The following FAM20C variants were observed in gnomAD, a reference collection of about 807,000 sequenced individuals.
FAM20C encodes extracellular serine/threonine protein kinase FAM20C.
In FAM20C, 40 loss-of-function variants were observed where a neutral mutation model predicts 51.5. The observed-to-expected ratio is 0.78, with a 90% CI of 0.60 to 1.01. The LOEUF is 1.01. Ranked by LOEUF, FAM20C falls within the 50% of genes least tolerant of loss-of-function variation. The pLI is 0.00. For synonymous variants in FAM20C, 406 were observed against 380.6 expected (o/e 1.07, Z -0.78); for missense variants, 861 against 844.7 (o/e 1.02, Z -0.24).
In FAM20C at chr7:248,105, C is replaced by T. The variant is rs191875159; in HGVS notation, c.957-210C>T. On this transcript the variant is annotated intron_variant, in intron 4 of 9. Coordinates refer to ENST00000313766, the MANE Select transcript of FAM20C (RefSeq NM_020223.4). ...TCAGTGAGGCATCGCCAGCCCCAGT[C>T]CCTCAGGGGCCTCTCCCACCCCCAT... is the stretch of plus-strand genomic sequence containing the variant. Among the ~76,000 whole-genome samples the T allele has an allele frequency of 2.9e-3, 449 of 152,328 alleles. 4 individuals are homozygous for T. Among genetic ancestry groups the T allele is most frequent in the Middle Eastern group, 0.024 (7 of 294 alleles).
At position 240,325 on chromosome 7, in the gene FAM20C, TGGA is replaced by T. The variant is rs1787897432; in HGVS notation, c.864-6087_864-6085del. On this transcript the variant is annotated intron_variant, in intron 3 of 9. Coordinates refer to ENST00000313766, the MANE Select transcript of FAM20C (RefSeq NM_020223.4). ...ATAGTGATAGTGATGATGATGGTGG[TGGA>T]GGTGATGATTATGATGTTGATAAAG... 0.024 allele frequency among the ~76,000 whole-genome samples: 17 copies of T among 708 alleles called. No individual in the cohort carries two copies. The South Asian group carries it at 0.36, about 15-fold the overall frequency. 0.5% of individuals were successfully genotyped at this position (708 alleles called of 152,430 possible).
rs923417798 is a variant in FAM20C, at chr7:256,023, A to C, written c.1247A>C (p.Lys416Thr). ...PWRRSYHKRK[K>T]AEWEVDPDYC... is the part of the protein sequence containing the mutation. ...CGGCGTTCCTACCACAAGCGCAAGAAGGCCGAGTGAGTGCGGGGCCGGGGG... is the reference window on the plus strand; with the variant it reads ...CGGCGTTCCTACCACAAGCGCAAGACGGCCGAGTGAGTGCGGGGCCGGGGG... Residue 416 changes from lysine (K) to threonine (T), a missense_variant, in exon 6 of 10, where the codon AAG becomes ACG. Transcript: ENST00000313766. 5.9e-6 allele frequency: 9 copies of C among 1,535,460 alleles called. No homozygotes were observed. The Admixed American group carries it at 7.9e-5, about 13-fold the overall frequency.
At chr7:219,479 C>G (rs1787154379) in intron 3 of FAM20C, among the ~76,000 whole-genome samples, 1 of 151,638 alleles carries the variant, frequency 6.6e-6, no homozygotes, top group South Asian at 2.1e-4. Context: ...TCGGCGGGGT[C>G]TGAGGGAGGC....
intron 8 of FAM20C, among the ~76,000 whole-genome samples, 181 bp from the exon 9 acceptor site, chr7:258,465 C>A (rs1337416163): frequency 4.8e-5 from 6 of 124,842 alleles, no homozygotes; most frequent in Admixed American, 7.6e-5. Context: ...GGACCCACTG[C>A]CTGGGGTGCT....
chr7:257,086 G>A lies in FAM20C; in HGVS notation c.1445G>A (p.Gly482Glu), dbSNP rs1461947497. 1 of 1,536,944 alleles carries A rather than the reference G, an allele frequency of 6.5e-7. No individual in the cohort carries two copies. Among genetic ancestry groups the A allele is most frequent in the Non-Finnish European group, 8.7e-7 (1 of 1,146,860 alleles). ...ATCATCCACTTAGACAATGGAAGAGGGTGAGCCTGTCCTCGCCCCTGCACA... is the reference window on the plus strand; with the variant it reads ...ATCATCCACTTAGACAATGGAAGAGAGTGAGCCTGTCCTCGCCCCTGCACA... ...TFIIHLDNGR[G>E]FGKYSHDELS... Residue 482 changes from glycine (G) to glutamate (E), a missense_variant and splice_region_variant, in exon 8 of 10, where the codon GGG (glycine) becomes GAG (glutamate). Gly to Glu is a moderately conservative substitution (Grantham distance 98). This residue lies in a region of FAM20C where 269 missense variants were observed against 283.8 expected (regional missense o/e 0.95). Coordinates refer to ENST00000313766, the MANE Select transcript of FAM20C (RefSeq NM_020223.4).
At chr7:257,741 T>A (rs1449119257) in intron 8 of FAM20C, among the ~76,000 whole-genome samples, 1 of 140,118 alleles carries the variant, frequency 7.1e-6, no homozygotes, top group Non-Finnish European at 1.5e-5. Flanking sequence ...GTGGACCCAC[T>A]GCCTGGGGTG....
chr7:200,964 G>C (rs1786101078), intron 2 of FAM20C, among the ~76,000 whole-genome samples: 2 of 152,174 alleles, frequency 1.3e-5, no homozygotes, highest in Admixed American at 1.3e-4. Flanking sequence ...TCAAAACCAG[G>C]TCCCTCGGTG....
At position 193,438 on chromosome 7, in the gene FAM20C, C is replaced by G; in HGVS notation, c.239C>G (p.Ala80Gly). ...PPAASSAAGD[A>G]GWPNKHTLRI... ...GCCGCCTCCTCCGCCGCCGGCGACGCGGGCTGGCCCAACAAGCACACGCTC... is the reference window on the plus strand; with the variant it reads ...GCCGCCTCCTCCGCCGCCGGCGACGGGGGCTGGCCCAACAAGCACACGCTC... The change falls in exon 1 of 10, where the codon GCG becomes GGG. Residue 80 changes from alanine (A) to glycine (G), a missense_variant. By Grantham distance (60) the Ala-to-Gly change is moderately conservative (BLOSUM62 0). Around this residue, in one of 3 missense-constraint regions of FAM20C, gnomAD observed 561 missense variants for 499.8 expected, o/e 1.12. Transcript: ENST00000313766. The G allele has an allele frequency of 7.0e-7, 1 of 1,425,550 alleles. No homozygotes were observed. Among genetic ancestry groups the G allele is most frequent in the South Asian group, 1.4e-5 (1 of 69,786 alleles). The allele number at this position is 1,425,550 out of a possible 1,614,324, so 88.3% of individuals were successfully genotyped here. A position where few individuals can be genotyped will look rare whatever the true frequency, so the allele number is the denominator to read the frequency against.
intron 5 of FAM20C, among the ~76,000 whole-genome samples, chr7:253,098 A>G (rs1055208571): frequency 7.2e-5 from 11 of 152,172 alleles, no homozygotes; most frequent in African/African-American, 2.7e-4. Context: ...GGCGGTCCTC[A>G]GGACTCTCTC....
chr7:195,492 C>A, intron 1 of FAM20C, 62 bp from the exon 2 acceptor site: 2 of 1,363,232 alleles, frequency 1.5e-6, no homozygotes, highest in Non-Finnish European at 1.9e-6. Context: ...GCCCTCTCCC[C>A]GTCATCCGAC....
rs752912289 is a variant in FAM20C, at chr7:257,098, C to T, written c.1445+12C>T. On this transcript the variant is annotated intron_variant, in intron 8 of 9. Coordinates refer to ENST00000313766, the MANE Select transcript of FAM20C (RefSeq NM_020223.4). ...GACAATGGAAGAGGGTGAGCCTGTCCTCGCCCCTGCACACCCAGGGAAGGG... is the reference window on the plus strand; with the variant it reads ...GACAATGGAAGAGGGTGAGCCTGTCTTCGCCCCTGCACACCCAGGGAAGGG... 1 of 1,536,656 alleles carries T rather than the reference C, an allele frequency of 6.5e-7. No homozygotes were observed. Among genetic ancestry groups the T allele is most frequent in the Non-Finnish European group, 8.7e-7 (1 of 1,146,724 alleles).
chr7:230,385 G>GGGGGGGGA (rs56402190), intron 3 of FAM20C, among the ~76,000 whole-genome samples: 5 of 104,538 alleles, frequency 4.8e-5, no homozygotes, highest in Non-Finnish European at 6.2e-5. Context: ...GGGGGGGGGG[G>GGGGGGGGA]AACAGATCCC....
intron 5 of FAM20C, among the ~76,000 whole-genome samples, chr7:249,933 A>C (rs1788332202): frequency 6.6e-6 from 1 of 152,004 alleles, no homozygotes; most frequent in Admixed American, 6.5e-5. Context: ...CTTGAAGGTC[A>C]AGAGTGGTCC....
At chr7:230,511 G>A (rs1290382291) in intron 3 of FAM20C, among the ~76,000 whole-genome samples, 1 of 152,154 alleles carries the variant, frequency 6.6e-6, no homozygotes, top group Non-Finnish European at 1.5e-5. Context: ...CTGTGGGGCC[G>A]TGGGTGGATG....
intron 3 of FAM20C, among the ~76,000 whole-genome samples, chr7:234,338 A>G (rs1787787898): frequency 1.3e-5 from 2 of 152,194 alleles, no homozygotes; most frequent in South Asian, 4.1e-4. Flanking sequence ...GTCAGCCTTT[A>G]AAAGTCTTCC....
At position 194,407 on chromosome 7, in the gene FAM20C, T is replaced by C. The variant is rs540839725; in HGVS notation, c.605+603T>C. ...TTTAAACTGTCCTGGCTAAGCCCTTTCCCCACCCCCCGGCCCCTCCCTCCG... is the reference window on the plus strand; with the variant it reads ...TTTAAACTGTCCTGGCTAAGCCCTTCCCCCACCCCCCGGCCCCTCCCTCCG... On this transcript the variant is annotated intron_variant, in intron 1 of 9. Transcript: ENST00000313766. Among the ~76,000 whole-genome samples the C allele has an allele frequency of 2.0e-5, 3 of 149,992 alleles. No individual in the cohort carries two copies. The East Asian group carries it at 5.9e-4, about 30-fold the overall frequency.
intron 5 of FAM20C, among the ~76,000 whole-genome samples, chr7:251,170 C>T (rs1448382957): frequency 3.3e-5 from 5 of 149,464 alleles, no homozygotes; most frequent in African/African-American, 1.2e-4. Flanking sequence ...CGGCGGCTCA[C>T]GCCTGCACTG....
chr7:259,498 G>A (rs929305478), intron 9 of FAM20C, among the ~76,000 whole-genome samples: 1 of 152,256 alleles, frequency 6.6e-6, no homozygotes, highest in Middle Eastern at 3.4e-3. Context: ...CTTTATCTGT[G>A]TCTCTTTCTG....
intron 3 of FAM20C, among the ~76,000 whole-genome samples, chr7:232,500 A>G (rs949193595): frequency 3.9e-5 from 6 of 152,210 alleles, no homozygotes; most frequent in African/African-American, 1.2e-4. Context: ...GAATCAATTC[A>G]CTCAAACAGC....
Sources: gnomAD v4.1 joint callset for allele counts (sites outside exome capture counted in the v4.1 genomes callset) on GRCh38, gnomAD v4.1.1 for gene constraint, gnomAD v4.1.1 regional missense constraint, MANE v1.5 for transcripts, NCBI Gene and HGNC (gene_info 2026-07-23, HGNC 2026-07-21) for gene names.